The following KIAA1328 variants were observed in gnomAD, a reference collection of about 807,000 sequenced individuals.
KIAA1328 encodes the protein KIAA1328.
A neutral mutation model predicts 68.1 loss-of-function variants in KIAA1328; 52 were observed. The ratio of observed to expected loss-of-function variants is 0.76; its 90% CI spans 0.61 to 0.96. The LOEUF is 0.96. KIAA1328 is among the 40% of genes least tolerant of loss of function. The pLI is 0.00. For synonymous variants in KIAA1328, 232 were observed against 239.4 expected (o/e 0.97, Z 0.28); for missense variants, 641 against 677.6 (o/e 0.95, Z 0.60).
At chr18:37,156,636 A>C (rs2059159112) in intron 7 of KIAA1328, among the ~76,000 whole-genome samples, 1 of 152,152 alleles carries the variant, frequency 6.6e-6, no homozygotes, top group Non-Finnish European at 1.5e-5. Context: ...GAAATTTATT[A>C]AAAAGGAATA....
chr18:37,193,310 T>A (rs1254367779), intron 9 of KIAA1328, among the ~76,000 whole-genome samples: 1 of 152,202 alleles, frequency 6.6e-6, no homozygotes, highest in East Asian at 1.9e-4. Flanking sequence ...TATTTCAGAA[T>A]TCAATTTTTA....
chr18:37,112,585 C>T (rs1361277613), intron 7 of KIAA1328, among the ~76,000 whole-genome samples: 2 of 152,192 alleles, frequency 1.3e-5, no homozygotes, highest in Non-Finnish European at 2.9e-5. Flanking sequence ...TTCTAAAAAT[C>T]AGAGCGCCTC....
intron 7 of KIAA1328, among the ~76,000 whole-genome samples, chr18:37,144,540 T>C (rs775663636): frequency 1.3e-5 from 2 of 152,122 alleles, no homozygotes; most frequent in African/African-American, 2.4e-5. Context: ...AAGCACTGCT[T>C]CTTTTGTTGT....
intron 6 of KIAA1328, chr18:37,063,465 T>G (rs1390203756): frequency 5.7e-6 from 1 of 174,942 alleles, no homozygotes; most frequent in Non-Finnish European, 1.1e-5. Context: ...ATATGAAGTC[T>G]GTTTTGCCAT....
intron 7 of KIAA1328, among the ~76,000 whole-genome samples, chr18:37,087,985 G>C (rs2057155648): frequency 6.6e-6 from 1 of 152,184 alleles, no homozygotes; most frequent in Non-Finnish European, 1.5e-5. Context: ...AGATAGAGGA[G>C]GACACGTTGG....
At chr18:36,916,389 T>C (rs538215415) in intron 5 of KIAA1328, among the ~76,000 whole-genome samples, 1 of 152,116 alleles carries the variant, frequency 6.6e-6, no homozygotes, top group Non-Finnish European at 1.5e-5. Context: ...AAATTTTTCA[T>C]TTCAGATATT....
At chr18:37,201,479 T>C (rs1362671065) in intron 9 of KIAA1328, among the ~76,000 whole-genome samples, 1 of 152,142 alleles carries the variant, frequency 6.6e-6, no homozygotes, top group Non-Finnish European at 1.5e-5. Flanking sequence ...ATATAATTTT[T>C]CTCTCTCCAG....
At chr18:37,178,427 T>C (rs2059635900) in intron 9 of KIAA1328, among the ~76,000 whole-genome samples, 1 of 152,234 alleles carries the variant, frequency 6.6e-6, no homozygotes, top group African/African-American at 2.4e-5. Flanking sequence ...TTCATTCTTA[T>C]TTATGGCTGA....
chr18:36,973,872 A>G (rs1030058711), intron 6 of KIAA1328, among the ~76,000 whole-genome samples: 4 of 127,406 alleles, frequency 3.1e-5, no homozygotes, highest in South Asian at 2.6e-4. Flanking sequence ...CAAAAATTCT[A>G]TTTTTCAGTG....
chr18:36,829,241 G>T lies in KIAA1328; in HGVS notation c.58+45G>T, dbSNP rs1024612864. ...CAGGGGGCGCCGGCGCCCTCCACGG[G>T]ACGGCGAGGGGCGAGCCGTCGCGTG... On this transcript the variant is annotated intron_variant, in intron 1 of 9. Transcript: ENST00000280020. 2.0e-6 allele frequency: 3 copies of T among 1,480,760 alleles called. No homozygotes were observed. In the African/African-American group the frequency reaches 4.4e-5, roughly 22 times the overall value. 91.7% of individuals were successfully genotyped at this position (1,480,760 alleles called of 1,614,324 possible). A position where few individuals can be genotyped will look rare whatever the true frequency, so the allele number is the denominator to read the frequency against.
chr18:36,996,102 C>T (rs2053380885), intron 6 of KIAA1328, among the ~76,000 whole-genome samples: 1 of 152,140 alleles, frequency 6.6e-6, no homozygotes, highest in Non-Finnish European at 1.5e-5. Flanking sequence ...AAGTAACTTG[C>T]CCAAGGTTAC....
intron 5 of KIAA1328, among the ~76,000 whole-genome samples, chr18:36,927,431 T>C (rs1215254082): frequency 6.6e-6 from 1 of 152,190 alleles, no homozygotes; most frequent in African/African-American, 2.4e-5. Flanking sequence ...TTCCTTGATA[T>C]GATTATTTTC....
At chr18:36,857,431 A>G (rs988066758) in intron 4 of KIAA1328, among the ~76,000 whole-genome samples, 4 of 152,172 alleles carry the variant, frequency 2.6e-5, no homozygotes, top group African/African-American at 9.7e-5. Context: ...CTGCCAGTCT[A>G]TCAGGTCAAA....
chr18:36,871,757 A>G (rs997673756), intron 4 of KIAA1328, among the ~76,000 whole-genome samples: 1 of 152,038 alleles, frequency 6.6e-6, no homozygotes, highest in Non-Finnish European at 1.5e-5. Context: ...AGGGCAACCA[A>G]CCAAGCAGAA....
At chr18:37,160,867 A>G (rs897922784) in intron 8 of KIAA1328, among the ~76,000 whole-genome samples, 1 of 152,196 alleles carries the variant, frequency 6.6e-6, no homozygotes, top group African/African-American at 2.4e-5. Flanking sequence ...TTAAGTGTCA[A>G]TAATACTTCC....
chr18:37,143,812 T>C (rs950321713), intron 7 of KIAA1328, among the ~76,000 whole-genome samples: 24 of 152,112 alleles, frequency 1.6e-4, no homozygotes, highest in African/African-American at 5.6e-4. Flanking sequence ...TTTCTTTTAG[T>C]GGTACCACTT....
Position 37,224,597 on chromosome 18 carries a change from CT to C in KIAA1328, c.*2373del, listed in dbSNP as rs2060615557. On this transcript the variant is annotated 3_prime_UTR_variant, in exon 10 of 10. Coordinates refer to ENST00000280020, the MANE Select transcript of KIAA1328 (RefSeq NM_020776.3). Reference sequence around the variant, plus strand: ...TAACATTTTAATCTATTTAAATTTACTTTGAAATATATACATACATATGAAT... The same window carrying C: ...TAACATTTTAATCTATTTAAATTTACTTGAAATATATACATACATATGAAT... 4.1e-6 allele frequency: 4 copies of C among 971,324 alleles called. No homozygotes were observed. In the South Asian group the frequency reaches 1.9e-4, roughly 46 times the overall value. 60.2% of individuals were successfully genotyped at this position (971,324 alleles called of 1,614,324 possible).
chr18:37,108,111 T>C (rs760973451), intron 7 of KIAA1328, among the ~76,000 whole-genome samples: 3 of 152,070 alleles, frequency 2.0e-5, no homozygotes, highest in Non-Finnish European at 4.4e-5. Flanking sequence ...AGCAAAGACA[T>C]AGAATGAACC....
At chr18:37,101,728 A>G (rs1475588112) in intron 7 of KIAA1328, among the ~76,000 whole-genome samples, 1 of 152,208 alleles carries the variant, frequency 6.6e-6, no homozygotes, top group Non-Finnish European at 1.5e-5. Context: ...GATTCACCAA[A>G]GTTGAAATGA....
Sources: allele counts gnomAD v4.1 joint callset (sites outside exome capture counted in the v4.1 genomes callset), GRCh38; gene constraint gnomAD v4.1.1; transcripts MANE v1.5; gene names NCBI Gene and HGNC (gene_info 2026-07-23, HGNC 2026-07-21).